The following NDNF variants were observed in gnomAD, a reference collection of about 807,000 sequenced individuals.
NDNF encodes neuron derived neurotrophic factor.
NDNF carries 16 observed loss-of-function variants against 42.0 expected under a neutral mutation model. The ratio of observed to expected loss-of-function variants is 0.38; its 90% CI spans 0.26 to 0.58. The LOEUF (loss-of-function observed/expected upper bound fraction) is 0.58. NDNF is among the 20% of genes least tolerant of loss of function. NDNF has a pLI of 0.67. For synonymous variants in NDNF, 248 were observed against 251.7 expected (o/e 0.99, Z 0.14); for missense variants, 616 against 666.2 (o/e 0.92, Z 0.83).
chr4:121,046,177 A>C (rs1002006447), intron 1 of NDNF, among the ~76,000 whole-genome samples: 1 of 152,360 alleles, frequency 6.6e-6, no homozygotes. Flanking sequence ...CGCTATATCA[A>C]TGTCTCAAAG....
chr4:121,054,677 G>A (rs148669310), intron 1 of NDNF, among the ~76,000 whole-genome samples: 177 of 152,370 alleles, frequency 1.2e-3, no homozygotes, highest in Middle Eastern at 6.8e-3. Flanking sequence ...AAGGCACCAA[G>A]GTTGCACTAA....
intron 1 of NDNF, among the ~76,000 whole-genome samples, chr4:121,050,928 T>G (rs1025253263): frequency 6.6e-6 from 1 of 152,138 alleles, no homozygotes; most frequent in East Asian, 1.9e-4. Flanking sequence ...GTTAACCATA[T>G]AGTCTATACT....
At chr4:121,068,841 T>C (rs1175168269) in intron 1 of NDNF, among the ~76,000 whole-genome samples, 1 of 152,226 alleles carries the variant, frequency 6.6e-6, no homozygotes, top group South Asian at 2.1e-4. Flanking sequence ...TCTGTTCCTA[T>C]GCTCTCGGTT....
chr4:121,068,459 T>C (rs1727536239), intron 1 of NDNF, among the ~76,000 whole-genome samples: 3 of 152,232 alleles, frequency 2.0e-5, no homozygotes, highest in Admixed American at 2.0e-4. Context: ...AAGAATAAAT[T>C]GTGTTCTTTA....
Position 121,055,886 on chromosome 4 carries a change from C to T in NDNF, c.-1-10048G>A, listed in dbSNP as rs1468378404. On this transcript the variant is annotated intron_variant, in intron 1 of 3. Transcript: ENST00000379692. ...TGAAGGGATGCATATTATTTGAGGCCAACCCATTTGTTGAAAGTACCCAGA... is the reference window on the plus strand; with the variant it reads ...TGAAGGGATGCATATTATTTGAGGCTAACCCATTTGTTGAAAGTACCCAGA... Among the ~76,000 whole-genome samples, 4 of 152,170 alleles carry T rather than the reference C, an allele frequency of 2.6e-5. No individual in the cohort carries two copies. In the East Asian group the frequency reaches 7.7e-4, roughly 29 times the overall value.
chr4:121,056,478 C>A (rs1349782651), intron 1 of NDNF, among the ~76,000 whole-genome samples: 1 of 152,182 alleles, frequency 6.6e-6, no homozygotes, highest in Non-Finnish European at 1.5e-5. Context: ...TCAAATCGAA[C>A]CATCACTATC....
chr4:121,060,496 A>T (rs1048202891), intron 1 of NDNF, among the ~76,000 whole-genome samples: 9 of 148,424 alleles, frequency 6.1e-5, no homozygotes, highest in Non-Finnish European at 1.0e-4. Context: ...TTTTTACATT[A>T]AAAAAAAAAG....
intron 1 of NDNF, chr4:121,061,227 A>T (rs927759446): frequency 6.6e-6 from 1 of 152,408 alleles, no homozygotes; most frequent in Non-Finnish European, 1.5e-5. Flanking sequence ...GTGGTTCCTG[A>T]TAATTTAGTA....
intron 1 of NDNF, among the ~76,000 whole-genome samples, chr4:121,050,707 T>C (rs780703123): frequency 6.6e-6 from 1 of 152,196 alleles, no homozygotes; most frequent in Non-Finnish European, 1.5e-5. Context: ...ATAAAAGATA[T>C]AGATGCAATC....
chr4:121,069,080 T>C (rs1025074873), intron 1 of NDNF, among the ~76,000 whole-genome samples: 1 of 152,196 alleles, frequency 6.6e-6, no homozygotes, highest in Non-Finnish European at 1.5e-5. Flanking sequence ...TAAAATACAT[T>C]TTTCTCCCTT....
chr4:121,048,102 T>G (rs1425583546), intron 1 of NDNF, among the ~76,000 whole-genome samples: 1 of 152,240 alleles, frequency 6.6e-6, no homozygotes, highest in East Asian at 1.9e-4. Context: ...TTTGCTATGC[T>G]GCCTCTGTTT....
At chr4:121,044,101 A>C (rs1727049560) in intron 2 of NDNF, among the ~76,000 whole-genome samples, 1 of 152,170 alleles carries the variant, frequency 6.6e-6, no homozygotes, top group Non-Finnish European at 1.5e-5. Context: ...GCAAACAAAT[A>C]ATTTTACTCG....
At chr4:121,068,181 C>CT (rs1163257700) in intron 1 of NDNF, among the ~76,000 whole-genome samples, 13 of 151,822 alleles carry the variant, frequency 8.6e-5, no homozygotes, top group South Asian at 2.1e-4. Flanking sequence ...AAAGTATTTA[C>CT]TTTTTTTTTC....
In NDNF at chr4:121,036,132, G is replaced by T; in HGVS notation, c.*132C>A. Reference sequence around the variant, plus strand: ...CTTATATAAACATCAATATACACACGTTGATATCCTTCCTTCCATAGTACA... The same window carrying T: ...CTTATATAAACATCAATATACACACTTTGATATCCTTCCTTCCATAGTACA... On this transcript the variant is annotated 3_prime_UTR_variant, in exon 4 of 4. Coordinates refer to ENST00000379692, the MANE Select transcript of NDNF (RefSeq NM_024574.4). 1 of 758,502 alleles carries T rather than the reference G, an allele frequency of 1.3e-6. No homozygotes were observed. The highest frequency in any genetic ancestry group is 2.2e-6 in the Non-Finnish European group (1 of 460,716). The allele number at this position is 758,502 out of a possible 1,614,324, so 47.0% of individuals were successfully genotyped here. A position where few individuals can be genotyped will look rare whatever the true frequency, so the allele number is the denominator to read the frequency against.
At chr4:121,066,098 T>C (rs972111104) in intron 1 of NDNF, among the ~76,000 whole-genome samples, 1 of 152,180 alleles carries the variant, frequency 6.6e-6, no homozygotes, top group African/African-American at 2.4e-5. Context: ...CATCTGTTAG[T>C]TCTATTAGTA....
At chr4:121,069,547 CAG>C (rs1477463025) in intron 1 of NDNF, among the ~76,000 whole-genome samples, 3 of 152,122 alleles carry the variant, frequency 2.0e-5, no homozygotes, top group Non-Finnish European at 2.9e-5. Flanking sequence ...CTAATTAAAA[CAG>C]AGTGTTACTG....
intron 1 of NDNF, among the ~76,000 whole-genome samples, chr4:121,051,757 A>T (rs1303061736): frequency 3.9e-5 from 6 of 152,222 alleles, no homozygotes; most frequent in Non-Finnish European, 8.8e-5. Flanking sequence ...AGTGATAAGA[A>T]ATAAATCTGG....
intron 1 of NDNF, among the ~76,000 whole-genome samples, chr4:121,058,926 C>T (rs1009608207): frequency 3.3e-5 from 5 of 152,092 alleles, no homozygotes; most frequent in South Asian, 2.1e-4. Flanking sequence ...ATGAAGTCTA[C>T]GGCCCATGAG....
intron 1 of NDNF, among the ~76,000 whole-genome samples, chr4:121,055,157 C>A (rs1727269033): frequency 6.6e-6 from 1 of 152,034 alleles, no homozygotes; most frequent in Non-Finnish European, 1.5e-5. Context: ...ATGAAGTGAT[C>A]CAAGCTTTTT....
Sources: gnomAD v4.1 joint callset for allele counts (sites outside exome capture counted in the v4.1 genomes callset) on GRCh38, gnomAD v4.1.1 for gene constraint, MANE v1.5 for transcripts, NCBI Gene and HGNC (gene_info 2026-07-23, HGNC 2026-07-21) for gene names.